The following KIFAP3 variants were observed in gnomAD, a reference collection of about 807,000 sequenced individuals.
KIFAP3 encodes the protein kinesin-associated protein 3.
In KIFAP3, 68 loss-of-function variants were observed where a neutral mutation model predicts 106.5. The ratio of observed to expected loss-of-function variants is 0.64; its 90% CI spans 0.53 to 0.78. KIFAP3 has a LOEUF of 0.78. Among genes scored for constraint, KIFAP3 ranks in the 30% least tolerant of loss-of-function variants. The pLI is 0.00. For missense variants in KIFAP3, 780 were observed against 941.8 expected (o/e 0.83, Z 2.25); for synonymous variants, 320 against 311.5 (o/e 1.03, Z -0.29).
intron 16 of KIFAP3, among the ~76,000 whole-genome samples, chr1:169,976,407 A>G (rs758659759): frequency 6.6e-6 from 1 of 152,128 alleles, no homozygotes; most frequent in African/African-American, 2.4e-5. Flanking sequence ...GTGTTTCCCA[A>G]ACTTATTTAC....
intron 1 of KIFAP3, among the ~76,000 whole-genome samples, chr1:170,059,650 T>G (rs1238220852): frequency 6.6e-6 from 1 of 152,112 alleles, no homozygotes; most frequent in Non-Finnish European, 1.5e-5. Flanking sequence ...GAGGGAATCC[T>G]CCCTAACTCA....
intron 19 of KIFAP3, among the ~76,000 whole-genome samples, chr1:169,943,564 T>G (rs1406991763): frequency 1.3e-5 from 2 of 152,194 alleles, no homozygotes; most frequent in African/African-American, 4.8e-5. Context: ...TATACAATTT[T>G]GTTATTCTCA....
chr1:170,044,078 G>T (rs1244592041), intron 3 of KIFAP3, among the ~76,000 whole-genome samples: 2 of 152,126 alleles, frequency 1.3e-5, no homozygotes, highest in African/African-American at 4.8e-5. Context: ...TCACAGGAGA[G>T]GGTAAAATGG....
rs904354301 is a variant in KIFAP3 at position 170,031,986 on chromosome 1, T to C, written c.743-2A>G. 1 of 1,583,790 alleles carries C rather than the reference T, an allele frequency of 6.3e-7. No individual in the cohort carries two copies. Among genetic ancestry groups the C allele is most frequent in the African/African-American group, 1.3e-5 (1 of 74,178 alleles). On this transcript the variant is annotated splice_acceptor_variant, in intron 7 of 19. Coordinates refer to ENST00000361580, the MANE Select transcript of KIFAP3 (RefSeq NM_014970.4). LOFTEE classifies it high-confidence loss of function. Reference sequence around the variant, plus strand: ...TTTGGTTTTCAGGGTCTTCATCAAGTAAACAACTTGTTAAGGATCATCCAT... The same window carrying C: ...TTTGGTTTTCAGGGTCTTCATCAAGCAAACAACTTGTTAAGGATCATCCAT...
intron 19 of KIFAP3, among the ~76,000 whole-genome samples, chr1:169,945,374 T>C (rs1437674909): frequency 6.6e-6 from 1 of 152,080 alleles, no homozygotes; most frequent in Non-Finnish European, 1.5e-5. Context: ...GCTGGGCGGC[T>C]GCAGCTGTGC....
chr1:170,030,508 A>G (rs1180392325), intron 8 of KIFAP3, among the ~76,000 whole-genome samples: 3 of 151,946 alleles, frequency 2.0e-5, no homozygotes, highest in African/African-American at 7.2e-5. Flanking sequence ...GCGTATGTCC[A>G]TACAAAGACT....
At chr1:170,028,251 T>C (rs1669221274) in intron 8 of KIFAP3, among the ~76,000 whole-genome samples, 1 of 152,104 alleles carries the variant, frequency 6.6e-6, no homozygotes, top group African/African-American at 2.4e-5. Context: ...CAAGGAAATA[T>C]ATAAGATTAT....
chr1:170,019,084 T>C (rs2102008778), intron 9 of KIFAP3, among the ~76,000 whole-genome samples: 1 of 152,296 alleles, frequency 6.6e-6, no homozygotes, highest in Non-Finnish European at 1.5e-5. Flanking sequence ...AAAAATTTTA[T>C]GCTCCTACAT....
chr1:169,934,922 T>C (rs1663704142), intron 19 of KIFAP3, among the ~76,000 whole-genome samples: 1 of 152,024 alleles, frequency 6.6e-6, no homozygotes, highest in Non-Finnish European at 1.5e-5. Context: ...TGCATAAAAT[T>C]GTAATAGTTT....
intron 10 of KIFAP3, among the ~76,000 whole-genome samples, chr1:169,992,794 A>G (rs1371474191): frequency 6.6e-6 from 1 of 152,178 alleles, no homozygotes; most frequent in Non-Finnish European, 1.5e-5. Context: ...CAGAACTTCT[A>G]AGGTAAGATT....
intron 10 of KIFAP3, among the ~76,000 whole-genome samples, chr1:170,011,237 C>T (rs2101987802): frequency 6.6e-6 from 1 of 151,722 alleles, no homozygotes; most frequent in South Asian, 2.1e-4. Context: ...TAAAAATCAA[C>T]TAAAAATAAA....
intron 19 of KIFAP3, among the ~76,000 whole-genome samples, chr1:169,927,542 C>A (rs2101771227): frequency 6.6e-6 from 1 of 152,248 alleles, no homozygotes; most frequent in East Asian, 1.9e-4. Flanking sequence ...ATTTCTTTCC[C>A]ATTAGAAAAT....
upstream of KIFAP3, among the ~76,000 whole-genome samples, chr1:170,079,419 A>G (rs1671979156): frequency 6.6e-6 from 1 of 152,212 alleles, no homozygotes; most frequent in Non-Finnish European, 1.5e-5. Context: ...CCTTTATAGC[A>G]ACACATATGA....
intron 11 of KIFAP3, among the ~76,000 whole-genome samples, chr1:169,990,783 T>C (rs1012129984): frequency 1.3e-5 from 2 of 152,072 alleles, no homozygotes; most frequent in Non-Finnish European, 2.9e-5. Flanking sequence ...TTTAGGTCTA[T>C]TTAGACCTAA....
chr1:169,945,170 C>G (rs887923162), intron 19 of KIFAP3, among the ~76,000 whole-genome samples: 1 of 152,174 alleles, frequency 6.6e-6, no homozygotes, highest in African/African-American at 2.4e-5. Flanking sequence ...TGTGTCAGTA[C>G]CGCCCCAAGT....
Position 169,954,229 on chromosome 1 carries a change from A to G in KIFAP3, c.2174-119T>C. The G allele has an allele frequency of 9.2e-6, 6 of 655,216 alleles. No homozygotes were observed. The South Asian group carries it at 1.0e-4, about 11-fold the overall frequency. 40.6% of individuals were successfully genotyped at this position (655,216 alleles called of 1,614,324 possible). On this transcript the variant is annotated intron_variant, in intron 18 of 19. Coordinates refer to ENST00000361580, the MANE Select transcript of KIFAP3 (RefSeq NM_014970.4). Reference sequence around the variant, plus strand: ...ATCTATAAAGAAAAATGTTAGCATGACATGCTGTTCTCTCTGGGAGTATGA... The same window carrying G: ...ATCTATAAAGAAAAATGTTAGCATGGCATGCTGTTCTCTCTGGGAGTATGA...
intron 1 of KIFAP3, among the ~76,000 whole-genome samples, chr1:170,057,843 T>A (rs1670928892): frequency 6.6e-6 from 1 of 152,142 alleles, no homozygotes; most frequent in Non-Finnish European, 1.5e-5. Flanking sequence ...TAAATTGATA[T>A]CTTTTAGCTG....
intron 10 of KIFAP3, among the ~76,000 whole-genome samples, chr1:170,012,138 G>A (rs1265536133): frequency 6.6e-6 from 1 of 152,050 alleles, no homozygotes; most frequent in Non-Finnish European, 1.5e-5. Context: ...GACCACAAGA[G>A]AATAGAAATA....
chr1:169,937,816 G>A (rs1487272776), intron 19 of KIFAP3, among the ~76,000 whole-genome samples: 1 of 151,728 alleles, frequency 6.6e-6, no homozygotes, highest in Non-Finnish European at 1.5e-5. Flanking sequence ...GTTTAAACAT[G>A]GAGCCATTCC....
Sources: gnomAD v4.1 joint callset for allele counts (sites outside exome capture counted in the v4.1 genomes callset) on GRCh38, gnomAD v4.1.1 for gene constraint, MANE v1.5 for transcripts, NCBI Gene and HGNC (gene_info 2026-07-23, HGNC 2026-07-21) for gene names.